Variants in CDC23 observed in about 807,000 individuals in gnomAD.
CDC23 encodes the protein cell division cycle 23, also known as cell division cycle protein 23 homolog.
Under a neutral mutation model 81.7 loss-of-function variants are expected in CDC23, and 26 were observed. The observed-to-expected ratio is 0.32, with a 90% CI of 0.23 to 0.44. The LOEUF (loss-of-function observed/expected upper bound fraction) is 0.44, where lower values mean the gene tolerates loss of function less well. Ranked by LOEUF, CDC23 falls within the 20% of genes least tolerant of loss-of-function variation. The pLI is 1.00. For synonymous variants in CDC23, 267 were observed against 270.8 expected (o/e 0.99, Z 0.14); for missense variants, 519 against 728.0 (o/e 0.71, Z 3.30).
chr5:138,197,775 A>G (rs138158586), intron 9 of CDC23, among the ~76,000 whole-genome samples: 2,117 of 151,350 alleles, frequency 0.014, 72 homozygotes, highest in African/African-American at 0.048. Flanking sequence ...GATTACAGGC[A>G]TGAGCCACCG....
At chr5:138,197,770 C>T (rs1754933579) in intron 9 of CDC23, among the ~76,000 whole-genome samples, 1 of 152,230 alleles carries the variant, frequency 6.6e-6, no homozygotes, top group African/African-American at 2.4e-5. Context: ...GCTGGGATTA[C>T]AGGCATGAGC....
intron 2 of CDC23, among the ~76,000 whole-genome samples, chr5:138,211,284 G>A (rs933096062): frequency 6.6e-6 from 1 of 152,188 alleles, no homozygotes; most frequent in Non-Finnish European, 1.5e-5. Flanking sequence ...AATACAGCAT[G>A]TTCTCACTTA....
intron 9 of CDC23, among the ~76,000 whole-genome samples, chr5:138,196,295 A>ATT (rs771448189): frequency 2.3e-4 from 33 of 143,736 alleles, no homozygotes; most frequent in African/African-American, 6.4e-4. Context: ...ATATATATTG[A>ATT]TTTTTTTTTT....
chr5:138,206,525 G>A, intron 3 of CDC23, 22 bp downstream of exon 3: 1 of 1,613,640 alleles, frequency 6.2e-7, no homozygotes, highest in South Asian at 1.1e-5. Flanking sequence ...AAGGCAGAAT[G>A]ACATTTTAAA....
chr5:138,208,396 C>T (rs773289169), intron 2 of CDC23, among the ~76,000 whole-genome samples: 37 of 152,204 alleles, frequency 2.4e-4, no homozygotes, highest in Non-Finnish European at 4.3e-4. Flanking sequence ...GTCCTAAATA[C>T]GACCATTTGA....
At chr5:138,205,112 AC>A (rs1417638206) in intron 3 of CDC23, among the ~76,000 whole-genome samples, 1 of 152,010 alleles carries the variant, frequency 6.6e-6, no homozygotes. Context: ...ACGGGGTTTC[AC>A]CATGCCGCCC....
intron 2 of CDC23, 118 bp from the exon 3 acceptor site, chr5:138,206,802 A>C (rs1755054925): frequency 1.2e-6 from 1 of 839,666 alleles, no homozygotes; most frequent in African/African-American, 1.7e-5. Flanking sequence ...TCTTCCTCCT[A>C]AAAACCTAGA....
At chr5:138,212,395 T>G (rs1024265737) in intron 2 of CDC23, among the ~76,000 whole-genome samples, 2 of 152,338 alleles carry the variant, frequency 1.3e-5, no homozygotes, top group African/African-American at 4.8e-5. Flanking sequence ...CTCAGCTCAC[T>G]GCAACCTTCG....
At chr5:138,207,884 G>A (rs538206398) in intron 2 of CDC23, among the ~76,000 whole-genome samples, 53 of 151,786 alleles carry the variant, frequency 3.5e-4, no homozygotes, top group Non-Finnish European at 6.6e-4. Flanking sequence ...AGCCAAGATC[G>A]CGCCACATCA....
chr5:138,197,229 C>T (rs989145612), intron 9 of CDC23, among the ~76,000 whole-genome samples: 1 of 147,446 alleles, frequency 6.8e-6, no homozygotes, highest in African/African-American at 2.6e-5. Flanking sequence ...TGGTGTAAAC[C>T]CGGGAGGCAG....
intron 10 of CDC23, 22 bp downstream of exon 10, chr5:138,192,482 C>T (rs768813723): frequency 4.4e-5 from 71 of 1,613,380 alleles, no homozygotes; most frequent in Non-Finnish European, 5.8e-5. Flanking sequence ...TCTGCTCTAC[C>T]TCACCACCTA....
intron 2 of CDC23, among the ~76,000 whole-genome samples, chr5:138,207,811 G>T (rs1755068590): frequency 6.6e-6 from 1 of 151,984 alleles, no homozygotes. Context: ...CAAAAAAATA[G>T]TTGGGCATGG....
At chr5:138,199,858 A>C (rs1754966088) in intron 6 of CDC23, among the ~76,000 whole-genome samples, 1 of 152,248 alleles carries the variant, frequency 6.6e-6, no homozygotes, top group African/African-American at 2.4e-5. Flanking sequence ...AAGTAAACCA[A>C]GATAAGATTT....
At chr5:138,208,588 T>C (rs1242447027) in intron 2 of CDC23, among the ~76,000 whole-genome samples, 3 of 152,196 alleles carry the variant, frequency 2.0e-5, no homozygotes, top group African/African-American at 4.8e-5. Context: ...AGCATTCAGA[T>C]TATACAAGAC....
chr5:138,193,728 G>A (rs1754851518), intron 9 of CDC23, among the ~76,000 whole-genome samples: 1 of 152,080 alleles, frequency 6.6e-6, no homozygotes, highest in Non-Finnish European at 1.5e-5. Flanking sequence ...GGAGGCTAAG[G>A]CGGGCGGATC....
chr5:138,193,453 G>A (rs1289792376), intron 9 of CDC23, among the ~76,000 whole-genome samples: 3 of 152,100 alleles, frequency 2.0e-5, no homozygotes, highest in Admixed American at 2.0e-4. Flanking sequence ...AAAATTAGCC[G>A]GGCATAGTGG....
At chr5:138,213,103 C>G (rs766807670) in intron 1 of CDC23, 40 bp from the exon 2 acceptor site, 2 of 1,614,096 alleles carry the variant, frequency 1.2e-6, no homozygotes, top group South Asian at 2.2e-5. Flanking sequence ...CGACAAGCCC[C>G]CCAAGGCCAA....
chr5:138,195,561 A>T (rs1270880911), intron 9 of CDC23, among the ~76,000 whole-genome samples: 2 of 95,552 alleles, frequency 2.1e-5, no homozygotes, highest in Non-Finnish European at 3.9e-5. Context: ...AATTATATAT[A>T]ATATATTTAT....
In CDC23 at chr5:138,189,092, G is replaced by A. The variant is rs768674293; in HGVS notation, c.1680C>T (p.Gly560=). The change falls in exon 16 of 16, where the codon GGC becomes GGT. Residue 560 remains glycine (G), a synonymous_variant. Coordinates refer to ENST00000394886, the MANE Select transcript of CDC23 (RefSeq NM_004661.4). ...CAGGCACCTCGGTGGTAGGAGTCTC[G>A]CCTTGGTTCCGAAGCTGTAGGATTT... ...LRQILQLRNQ[G]ETPTTEVPAP... 1.9e-6 allele frequency: 3 copies of A among 1,613,858 alleles called. No individual in the cohort carries two copies. The highest frequency in any genetic ancestry group is 2.7e-5 in the African/African-American group (2 of 74,854).
Sources: gnomAD v4.1 joint callset for allele counts (sites outside exome capture counted in the v4.1 genomes callset) on GRCh38, gnomAD v4.1.1 for gene constraint, MANE v1.5 for transcripts, NCBI Gene and HGNC (gene_info 2026-07-23, HGNC 2026-07-21) for gene names.